Variants in C1GALT1 observed in about 807,000 individuals in gnomAD.
C1GALT1 encodes the protein core 1 synthase, glycoprotein-N-acetylgalactosamine 3-beta-galactosyltransferase 1, also known as glycoprotein-N-acetylgalactosamine 3-beta-galactosyltransferase 1.
C1GALT1 carries 11 observed loss-of-function variants against 31.0 expected under a neutral mutation model. The ratio of observed to expected loss-of-function variants is 0.36; its 90% CI spans 0.22 to 0.59. The LOEUF (loss-of-function observed/expected upper bound fraction) is 0.59, where lower values mean the gene tolerates loss of function less well. Ranked by LOEUF, C1GALT1 falls within the 20% of genes least tolerant of loss-of-function variation. The probability of loss-of-function intolerance (pLI) is 0.79; values close to 1 mark genes in which losing one functional copy is unlikely to be tolerated. For synonymous variants in C1GALT1, 175 were observed against 143.6 expected, an observed-to-expected ratio of 1.22 and a Z score of -1.56; for missense variants, 424 against 425.2, an observed-to-expected ratio of 1.00 and a Z score of 0.03.
At chr7:7,170,863 T>C (rs1420496495) in intron 2 of C1GALT1, among the ~76,000 whole-genome samples, 6 of 152,250 alleles carry the variant, frequency 3.9e-5, no homozygotes, top group Non-Finnish European at 7.3e-5. Context: ...TGTAGTTTCT[T>C]CTTTGACCAA....
intron 1 of C1GALT1, among the ~76,000 whole-genome samples, chr7:7,216,447 A>G (rs1255424913): frequency 3.3e-5 from 5 of 151,952 alleles, no homozygotes; most frequent in African/African-American, 1.2e-4. Flanking sequence ...GCCTTGTGTG[A>G]TTTCTCTTTG....
intron 1 of C1GALT1, among the ~76,000 whole-genome samples, chr7:7,199,477 A>G (rs1291325547): frequency 6.6e-6 from 1 of 152,184 alleles, no homozygotes. Flanking sequence ...AAGTTTTGGA[A>G]TAAGTGTGAT....
chr7:7,205,726 C>T (rs1342786888), intron 1 of C1GALT1, among the ~76,000 whole-genome samples: 1 of 152,050 alleles, frequency 6.6e-6, no homozygotes, highest in Non-Finnish European at 1.5e-5. Flanking sequence ...TAGTATGGCA[C>T]TTCTGTTCTC....
At chr7:7,195,223 GGTTTGTTCTT>G (rs1781233380) in intron 1 of C1GALT1, among the ~76,000 whole-genome samples, 1 of 152,046 alleles carries the variant, frequency 6.6e-6, no homozygotes, top group African/African-American at 2.4e-5. Context: ...ATTTGGGTTT[GGTTTGTTCTT>G]GTTTCTCTGG....
rs1294701962 is a variant in C1GALT1 at position 7,194,256 on chromosome 7, C to T, written c.-18+11436C>T. Among the ~76,000 whole-genome samples the T allele has an allele frequency of 1.5e-4, 23 of 152,056 alleles. 1 individual carries two copies. Among genetic ancestry groups the T allele is most frequent in the Admixed American group, 1.5e-3 (23 of 15,258 alleles). ...TGGGCATCCCTGTCTTGTTCCAGAT[C>T]TCAGGGGAAATGCTTTCAACCTTTC... On this transcript the variant is annotated intron_variant, in intron 1 of 3. Coordinates refer to ENST00000436587, the MANE Select transcript of C1GALT1 (RefSeq NM_020156.5).
At chr7:7,239,093 A>T in intron 3 of C1GALT1, 171 bp downstream of exon 3, 2 of 602,120 alleles carry the variant, frequency 3.3e-6, no homozygotes, top group Non-Finnish European at 5.7e-6. Flanking sequence ...GACATCAGCA[A>T]TCAGCAGTAG....
At chr7:7,236,997 T>C (rs1012337408) in intron 2 of C1GALT1, among the ~76,000 whole-genome samples, 3 of 152,208 alleles carry the variant, frequency 2.0e-5, no homozygotes, top group African/African-American at 7.2e-5. Flanking sequence ...GCCCAGAACA[T>C]TGCTACTGAA....
chr7:7,200,483 C>T (rs182070992), intron 1 of C1GALT1, among the ~76,000 whole-genome samples: 119 of 151,698 alleles, frequency 7.8e-4, no homozygotes, highest in African/African-American at 2.8e-3. Flanking sequence ...CTTGGGGTTG[C>T]TCTTCTCGAA....
chr7:7,162,686 G>A (rs796880472), intron 2 of C1GALT1, among the ~76,000 whole-genome samples: 3 of 150,496 alleles, frequency 2.0e-5, no homozygotes, highest in African/African-American at 4.9e-5. Flanking sequence ...CTGAGGAATC[G>A]CCACACTGAC....
At chr7:7,221,387 TTCTC>T (rs202159414) in intron 1 of C1GALT1, among the ~76,000 whole-genome samples, 3 of 152,240 alleles carry the variant, frequency 2.0e-5, no homozygotes, top group South Asian at 2.1e-4. Context: ...ATGGTATCTT[TTCTC>T]TCTCAAGATA....
At chr7:7,196,228 GA>G (rs1297413996) in intron 1 of C1GALT1, among the ~76,000 whole-genome samples, 1 of 98,382 alleles carries the variant, frequency 1.0e-5, no homozygotes, top group Non-Finnish European at 2.0e-5. Flanking sequence ...CCAACCCCAT[GA>G]CAGGCCCCAG....
intron 1 of C1GALT1, chr7:7,209,421 G>A (rs1268682320): frequency 6.6e-6 from 1 of 152,108 alleles, no homozygotes; most frequent in Non-Finnish European, 1.5e-5. Context: ...TTATCTTCTT[G>A]TGCAGTTGGA....
At chr7:7,220,658 A>G (rs1224313211) in intron 1 of C1GALT1, among the ~76,000 whole-genome samples, 1 of 152,148 alleles carries the variant, frequency 6.6e-6, no homozygotes, top group Non-Finnish European at 1.5e-5. Context: ...AATAGCTGGG[A>G]CTACAGGCAT....
At chr7:7,172,094 T>C (rs2128227450) in intron 2 of C1GALT1, among the ~76,000 whole-genome samples, 1 of 152,352 alleles carries the variant, frequency 6.6e-6, no homozygotes, top group East Asian at 1.9e-4. Flanking sequence ...CTAGTGTCTT[T>C]TCATTTCAAC....
chr7:7,239,998 C>T lies in C1GALT1; in HGVS notation c.888+1076C>T, dbSNP rs142929470. 3.4e-4 allele frequency among the ~76,000 whole-genome samples: 52 copies of T among 152,246 alleles called. 1 individual carries two copies. In the East Asian group the frequency reaches 9.8e-3, roughly 29 times the overall value. On this transcript the variant is annotated intron_variant, in intron 3 of 3. Coordinates refer to ENST00000436587, the MANE Select transcript of C1GALT1 (RefSeq NM_020156.5). ...AGGCTCAGTTCTGTTACTAATAATGCCTTTAGGCAAGTCACTAGTTCTCTA... is the reference window on the plus strand; with the variant it reads ...AGGCTCAGTTCTGTTACTAATAATGTCTTTAGGCAAGTCACTAGTTCTCTA...
rs781354873 is a variant in C1GALT1, at chr7:7,238,747, T to C, written c.713T>C (p.Ile238Thr). The C allele has an allele frequency of 8.7e-6, 14 of 1,613,738 alleles. No homozygotes were observed. The East Asian group carries it at 8.9e-5, about 10-fold the overall frequency. Residue 238 changes from isoleucine (I) to threonine (T), a missense_variant, in exon 3 of 4, where the codon ATT becomes ACT. Physicochemically the swap from Ile to Thr is moderately conservative, Grantham distance 89. Transcript: ENST00000436587. This position sits in a 1 kb window ranked among gnomAD's most constrained non-coding sequence, Gnocchi z 5.2. Reference protein sequence around the residue: ...KTDKCTHSSSIEDLALGRCME... With the variant: ...KTDKCTHSSSTEDLALGRCME... ...GACAAGTGTACACATAGTTCCTCCA[T>C]TGAAGACTTAGCACTGGGGAGATGC...
At chr7:7,217,153 T>A (rs1231067016) in intron 1 of C1GALT1, among the ~76,000 whole-genome samples, 2 of 152,174 alleles carry the variant, frequency 1.3e-5, no homozygotes, top group Non-Finnish European at 2.9e-5. Flanking sequence ...TGATAATGGT[T>A]CTGATGAGTG....
intron 2 of C1GALT1, chr7:7,234,810 G>GT (rs903854331): frequency 4.8e-5 from 12 of 249,834 alleles, no homozygotes; most frequent in Non-Finnish European, 7.6e-5. Flanking sequence ...TTCTGAAAAT[G>GT]TTTTTCTAGG....
At chr7:7,220,526 C>CTT (rs58511737) in intron 1 of C1GALT1, among the ~76,000 whole-genome samples, 19 of 150,644 alleles carry the variant, frequency 1.3e-4, no homozygotes, top group African/African-American at 2.2e-4. Context: ...TATCTTTATT[C>CTT]TTTTTTTTTT....
Sources: gnomAD v4.1 joint callset for allele counts (sites outside exome capture counted in the v4.1 genomes callset) on GRCh38, gnomAD v4.1.1 for gene constraint, Gnocchi (gnomAD v3.1) non-coding constraint, MANE v1.5 for transcripts, NCBI Gene and HGNC (gene_info 2026-07-23, HGNC 2026-07-21) for gene names.